The following PARP4 variants were observed in gnomAD, a reference collection of about 807,000 sequenced individuals.
PARP4 encodes protein mono-ADP-ribosyltransferase PARP4.
In PARP4, 120 loss-of-function variants were observed where a neutral mutation model predicts 187.7. That is an observed-to-expected ratio of 0.64 (90% CI 0.55 to 0.74). The LOEUF (loss-of-function observed/expected upper bound fraction) is 0.74. Ranked by LOEUF, PARP4 falls within the 30% of genes least tolerant of loss-of-function variation. The pLI, the probability that PARP4 is intolerant of heterozygous loss-of-function variation, is 0.00. For missense variants in PARP4, 1,836 were observed against 2,070.5 expected (o/e 0.89, Z 2.20); for synonymous variants, 654 against 740.9 (o/e 0.88, Z 1.90).
intron 30 of PARP4, among the ~76,000 whole-genome samples, chr13:24,440,724 C>A (rs1870883678): frequency 7.4e-6 from 1 of 135,364 alleles, no homozygotes; most frequent in Non-Finnish European, 1.6e-5. Flanking sequence ...TCGGCCACAG[C>A]ACCTGTGATC....
chr13:24,502,999 G>T (rs1456599787), intron 2 of PARP4, among the ~76,000 whole-genome samples: 1 of 152,326 alleles, frequency 6.6e-6, no homozygotes, highest in East Asian at 1.9e-4. Context: ...ACAGGGGCAG[G>T]CCAGCCTGGC....
At chr13:24,489,664 T>C (rs941572969) in intron 10 of PARP4, among the ~76,000 whole-genome samples, 3 of 151,944 alleles carry the variant, frequency 2.0e-5, no homozygotes, top group African/African-American at 7.3e-5. Context: ...TCTTAGTAAA[T>C]GTGAAGTGGT....
intron 17 of PARP4, among the ~76,000 whole-genome samples, chr13:24,461,475 G>A (rs1421195542): frequency 6.6e-6 from 1 of 152,148 alleles, no homozygotes; most frequent in Non-Finnish European, 1.5e-5. Context: ...TCAACCAAGC[G>A]AACTGAATTC....
chr13:24,496,238 A>G (rs1868947257), intron 6 of PARP4, among the ~76,000 whole-genome samples: 3 of 151,876 alleles, frequency 2.0e-5, no homozygotes, highest in African/African-American at 7.3e-5. Flanking sequence ...TACCCAAACA[A>G]CTATATCCTC....
chr13:24,493,329 A>G (rs1199755042), intron 8 of PARP4, among the ~76,000 whole-genome samples: 1 of 152,216 alleles, frequency 6.6e-6, no homozygotes, highest in East Asian at 1.9e-4. Flanking sequence ...ACAGAGGATC[A>G]GGCCTCCTAA....
At chr13:24,460,675 T>G (rs946994553) in intron 17 of PARP4, among the ~76,000 whole-genome samples, 2 of 152,182 alleles carry the variant, frequency 1.3e-5, no homozygotes, top group Non-Finnish European at 2.9e-5. Flanking sequence ...TAATTTCTCA[T>G]GTTATTTTTA....
intron 28 of PARP4, 140 bp downstream of exon 28, chr13:24,443,510 G>A (rs1871054399): frequency 1.5e-6 from 1 of 656,744 alleles, no homozygotes; most frequent in Non-Finnish European, 2.7e-6. Flanking sequence ...CAGGCACAGT[G>A]TCACAGATAC....
chr13:24,424,906 A>C (rs1384475020), intron 33 of PARP4, among the ~76,000 whole-genome samples: 1 of 150,770 alleles, frequency 6.6e-6, no homozygotes, highest in African/African-American at 2.4e-5. Context: ...GATGGTCTCG[A>C]TCTCCCAACC....
chr13:24,489,712 A>G (rs1051103885), intron 10 of PARP4, among the ~76,000 whole-genome samples: 1 of 152,196 alleles, frequency 6.6e-6, no homozygotes, highest in Non-Finnish European at 1.5e-5. Context: ...AGGAAAGTAG[A>G]ACATAATTTT....
chr13:24,506,193 C>T (rs140441665), intron 1 of PARP4, among the ~76,000 whole-genome samples: 3 of 151,736 alleles, frequency 2.0e-5, no homozygotes, highest in East Asian at 3.9e-4. Context: ...CGCAGACCCT[C>T]GCAGTGAGCG....
intron 17 of PARP4, among the ~76,000 whole-genome samples, chr13:24,467,645 A>G (rs1872538949): frequency 6.6e-6 from 1 of 152,202 alleles, no homozygotes; most frequent in South Asian, 2.1e-4. Context: ...ATATATTATG[A>G]TATGAGAACA....
intron 30 of PARP4, among the ~76,000 whole-genome samples, chr13:24,437,849 C>CAAAAAAA (rs1216300092): frequency 8.4e-6 from 1 of 118,372 alleles, no homozygotes. Flanking sequence ...GACTCCATCT[C>CAAAAAAA]AAAAAAAAAA....
At chr13:24,496,859 C>T (rs1343244792) in intron 6 of PARP4, among the ~76,000 whole-genome samples, 1 of 152,092 alleles carries the variant, frequency 6.6e-6, no homozygotes, top group African/African-American at 2.4e-5. Flanking sequence ...CCCGTCTCTA[C>T]TAAAAATACA....
intron 24 of PARP4, among the ~76,000 whole-genome samples, chr13:24,451,751 T>C (rs1256671363): frequency 6.6e-6 from 1 of 152,212 alleles, no homozygotes. Flanking sequence ...TGGCCCCCTC[T>C]GTTCGATGTT....
chr13:24,434,971 G>A lies in PARP4; in HGVS notation c.4170C>T (p.Asn1390=). 6.2e-7 allele frequency: 1 copy of A among 1,613,902 alleles called. No homozygotes were observed. The highest frequency in any genetic ancestry group is 8.5e-7 in the Non-Finnish European group (1 of 1,179,960). ...TGCCACAATAGGGTGAAGAAGGTGGGTTCTGGGGAGGTCCTGTGGGACAAG... is the reference window on the plus strand; with the variant it reads ...TGCCACAATAGGGTGAAGAAGGTGGATTCTGGGGAGGTCCTGTGGGACAAG... ...SASCPTGPPQ[N]PPSSPYCGIV... Residue 1390 remains asparagine (N), a synonymous_variant, in exon 31 of 34, where the codon AAC becomes AAT. Transcript: ENST00000381989.
At chr13:24,511,102 T>G (rs143096855) in intron 1 of PARP4, among the ~76,000 whole-genome samples, 5 of 152,230 alleles carry the variant, frequency 3.3e-5, no homozygotes, top group African/African-American at 1.2e-4. Flanking sequence ...GTAAAAACAT[T>G]TTAAACATAA....
At chr13:24,471,633 A>C (rs1423947804) in intron 15 of PARP4, among the ~76,000 whole-genome samples, 2 of 152,190 alleles carry the variant, frequency 1.3e-5, no homozygotes. Context: ...TACTCAAGCT[A>C]AATCTACAGT....
chr13:24,421,938 T>C (rs1869767600), intron 33 of PARP4, among the ~76,000 whole-genome samples: 1 of 152,242 alleles, frequency 6.6e-6, no homozygotes, highest in Non-Finnish European at 1.5e-5. Flanking sequence ...TACTTCCTCA[T>C]TTGTTCTGTC....
In PARP4 at chr13:24,460,124, C is replaced by T; in HGVS notation, c.2146G>A (p.Val716Ile). 1.2e-6 allele frequency: 2 copies of T among 1,612,180 alleles called. No individual in the cohort carries two copies. Among genetic ancestry groups the T allele is most frequent in the Non-Finnish European group, 8.5e-7 (1 of 1,179,360 alleles). ...TTAGGGGGTAAGTTTCCAACACTTA[C>T]AGTAAAAACGTCCTGAAACAGAAAC... ...MSQDAPDVFTVSVGNLPPKAK... is the reference protein window; with the variant it reads ...MSQDAPDVFTISVGNLPPKAK... Residue 716 changes from valine to isoleucine, a missense_variant, in exon 18 of 34, where the codon GTA (valine) becomes ATA (isoleucine). Val to Ile is a conservative substitution (Grantham distance 29). Transcript: ENST00000381989.
Sources: gnomAD v4.1 joint callset for allele counts (sites outside exome capture counted in the v4.1 genomes callset) on GRCh38, gnomAD v4.1.1 for gene constraint, MANE v1.5 for transcripts, NCBI Gene and HGNC (gene_info 2026-07-23, HGNC 2026-07-21) for gene names.